Variants in ADCK1 observed in about 807,000 individuals in gnomAD.
ADCK1 encodes the protein aarF domain-containing protein kinase 1.
Under a neutral mutation model 52.3 loss-of-function variants are expected in ADCK1, and 41 were observed. The observed-to-expected ratio is 0.78, with a 90% CI of 0.61 to 1.02. The LOEUF is 1.02. Ranked by LOEUF, ADCK1 falls within the 50% of genes least tolerant of loss-of-function variation. The pLI is 0.00. For synonymous variants in ADCK1, 250 were observed against 274.6 expected (o/e 0.91, Z 0.89); for missense variants, 658 against 679.5 (o/e 0.97, Z 0.35).
chr14:77,817,227 G>A (rs2081475229), intron 1 of ADCK1, among the ~76,000 whole-genome samples: 1 of 152,208 alleles, frequency 6.6e-6, no homozygotes, highest in Admixed American at 6.5e-5. Flanking sequence ...GGGCGACAGA[G>A]CAAGACCCTG....
At chr14:77,922,463 G>T (rs1328185774) in intron 7 of ADCK1, among the ~76,000 whole-genome samples, 1 of 152,318 alleles carries the variant, frequency 6.6e-6, no homozygotes, top group East Asian at 1.9e-4. Flanking sequence ...CACCTTCCAG[G>T]GGTGTTATGA....
intron 6 of ADCK1, chr14:77,902,513 A>G (rs1267311489): frequency 2.0e-5 from 3 of 152,248 alleles, no homozygotes; most frequent in African/African-American, 7.2e-5. Context: ...GCATAATGCT[A>G]TAGAGTCTAA....
At chr14:77,804,019 C>T (rs2081167479) in intron 1 of ADCK1, among the ~76,000 whole-genome samples, 3 of 152,164 alleles carry the variant, frequency 2.0e-5, no homozygotes, top group South Asian at 2.1e-4. Context: ...TAATATTTGT[C>T]TCTCCTCACT....
At chr14:77,813,319 A>AT in intron 1 of ADCK1, among the ~76,000 whole-genome samples, 1 of 138,056 alleles carries the variant, frequency 7.2e-6, no homozygotes, top group Admixed American at 7.4e-5. Flanking sequence ...TATTATTATT[A>AT]TTTTTTTGGA....
intron 7 of ADCK1, chr14:77,914,379 C>T (rs760009830): frequency 6.3e-5 from 62 of 984,584 alleles, no homozygotes; most frequent in Non-Finnish European, 7.4e-5. Context: ...CCATGCTTAG[C>T]CAGAAGCCCT....
chr14:77,885,224 C>T (rs1264233826), intron 4 of ADCK1, among the ~76,000 whole-genome samples: 1 of 152,196 alleles, frequency 6.6e-6, no homozygotes, highest in East Asian at 1.9e-4. Context: ...TGCTGAGAAA[C>T]TCAGGGTGAT....
chr14:77,925,651 T>G, intron 8 of ADCK1, 113 bp from the exon 9 acceptor site: 4 of 1,020,602 alleles, frequency 3.9e-6, no homozygotes, highest in Non-Finnish European at 5.8e-6. Flanking sequence ...ACAGATGTCG[T>G]GGGAAGGCAC....
chr14:77,876,021 G>A (rs759802480), intron 4 of ADCK1, among the ~76,000 whole-genome samples: 42 of 152,168 alleles, frequency 2.8e-4, no homozygotes, highest in African/African-American at 3.1e-4. Flanking sequence ...CACTAGTGCT[G>A]TAATCATCGG....
At chr14:77,841,385 C>G (rs2082062381) in intron 3 of ADCK1, among the ~76,000 whole-genome samples, 1 of 151,978 alleles carries the variant, frequency 6.6e-6, no homozygotes, top group Non-Finnish European at 1.5e-5. Flanking sequence ...ACAGGGCCTC[C>G]TACGTGGCAG....
chr14:77,808,370 C>T (rs28878198), intron 1 of ADCK1, among the ~76,000 whole-genome samples: 4,453 of 152,112 alleles, frequency 0.029, 211 homozygotes, highest in African/African-American at 0.099. Flanking sequence ...TTAAAGTAGG[C>T]TGTAGGTAGC....
intron 6 of ADCK1, among the ~76,000 whole-genome samples, chr14:77,900,941 A>G (rs1254494602): frequency 2.0e-5 from 3 of 152,124 alleles, no homozygotes; most frequent in East Asian, 1.9e-4. Context: ...GTGCCCCATG[A>G]GAAGTACGGC....
At chr14:77,851,060 A>G (rs2082274809) in intron 3 of ADCK1, among the ~76,000 whole-genome samples, 1 of 151,308 alleles carries the variant, frequency 6.6e-6, no homozygotes, top group South Asian at 2.1e-4. Context: ...AACTCCGTAC[A>G]TTTAACCTAT....
At chr14:77,901,522 TA>T (rs1446112212) in intron 6 of ADCK1, among the ~76,000 whole-genome samples, 3 of 152,054 alleles carry the variant, frequency 2.0e-5, no homozygotes, top group African/African-American at 7.2e-5. Flanking sequence ...CCTGAGTAGC[TA>T]GGACTACAGG....
At chr14:77,855,868 A>C (rs949472139) in intron 3 of ADCK1, among the ~76,000 whole-genome samples, 4 of 152,176 alleles carry the variant, frequency 2.6e-5, no homozygotes, top group African/African-American at 7.2e-5. Flanking sequence ...ATGATAAAAA[A>C]ATTTCCCCCA....
chr14:77,885,090 G>C (rs927523261), intron 4 of ADCK1, among the ~76,000 whole-genome samples: 1 of 152,228 alleles, frequency 6.6e-6, no homozygotes, highest in Admixed American at 6.5e-5. Context: ...CCCTGTTCTA[G>C]GGAGTTGCAG....
intron 5 of ADCK1, among the ~76,000 whole-genome samples, chr14:77,891,535 A>G (rs901324768): frequency 6.6e-6 from 1 of 152,178 alleles, no homozygotes; most frequent in African/African-American, 2.4e-5. Context: ...CAATAATAGC[A>G]GTAATAAAGA....
At chr14:77,914,074 A>G (rs1171667987) in intron 7 of ADCK1, among the ~76,000 whole-genome samples, 4 of 151,996 alleles carry the variant, frequency 2.6e-5, no homozygotes, top group Non-Finnish European at 4.4e-5. Flanking sequence ...AGAACCCCCA[A>G]ATCTCATTTT....
chr14:77,819,897 A>G (rs1157206773), intron 2 of ADCK1, among the ~76,000 whole-genome samples: 1 of 152,118 alleles, frequency 6.6e-6, no homozygotes, highest in Non-Finnish European at 1.5e-5. Flanking sequence ...TCTCCCTAAT[A>G]CTCAGTGTTG....
intron 3 of ADCK1, among the ~76,000 whole-genome samples, chr14:77,848,135 C>G (rs904200938): frequency 6.6e-6 from 1 of 152,174 alleles, no homozygotes; most frequent in Non-Finnish European, 1.5e-5. Flanking sequence ...GAACTCCTGG[C>G]CTCAAGCAGT....
Sources: gnomAD v4.1 joint callset for allele counts (sites outside exome capture counted in the v4.1 genomes callset) on GRCh38, gnomAD v4.1.1 for gene constraint, MANE v1.5 for transcripts, NCBI Gene and HGNC (gene_info 2026-07-23, HGNC 2026-07-21) for gene names.